The following NIBAN1 variants were observed in gnomAD, a reference collection of about 807,000 sequenced individuals.
NIBAN1 encodes niban apoptosis regulator 1.
Under a neutral mutation model 75.1 loss-of-function variants are expected in NIBAN1, and 81 were observed. The observed-to-expected ratio is 1.08, with a 90% CI of 0.90 to 1.30. The LOEUF (loss-of-function observed/expected upper bound fraction) is 1.30, where lower values mean the gene tolerates loss of function less well. NIBAN1 is among the 50% of genes most tolerant of loss of function. The pLI is 0.00. For synonymous variants in NIBAN1, 436 were observed against 424.8 expected, an observed-to-expected ratio of 1.03 and a Z score of -0.32; for missense variants, 1,133 against 1,128.1, an observed-to-expected ratio of 1.00 and a Z score of -0.06.
At chr1:184,943,502 G>A (rs1658148000) in intron 1 of NIBAN1, among the ~76,000 whole-genome samples, 1 of 152,034 alleles carries the variant, frequency 6.6e-6, no homozygotes, top group African/African-American at 2.4e-5. Flanking sequence ...GGGGTTCAGA[G>A]GATAATGTTA....
At chr1:184,831,653 A>C (rs1260647088) in intron 6 of NIBAN1, among the ~76,000 whole-genome samples, 194 bp downstream of exon 6, 3 of 152,210 alleles carry the variant, frequency 2.0e-5, no homozygotes, top group Admixed American at 6.5e-5. Flanking sequence ...TTTCATGCCC[A>C]GTCTGGTGGT....
chr1:184,880,443 T>C (rs138225069), intron 5 of NIBAN1, among the ~76,000 whole-genome samples: 2 of 152,204 alleles, frequency 1.3e-5, no homozygotes, highest in African/African-American at 4.8e-5. Context: ...AGAGTCCAAG[T>C]TCCTAATATG....
intron 5 of NIBAN1, among the ~76,000 whole-genome samples, chr1:184,870,275 T>A (rs1292578439): frequency 6.6e-6 from 1 of 150,412 alleles, no homozygotes; most frequent in East Asian, 1.9e-4. Context: ...CCTTTATACA[T>A]GGGAAAGGTT....
At chr1:184,944,414 G>A (rs189236151) in intron 1 of NIBAN1, among the ~76,000 whole-genome samples, 17 of 152,338 alleles carry the variant, frequency 1.1e-4, no homozygotes, top group Middle Eastern at 3.4e-3. Context: ...CACAGGTGGC[G>A]TTCTTGTAGC....
intron 1 of NIBAN1, among the ~76,000 whole-genome samples, chr1:184,916,072 G>A (rs563888761): frequency 3.9e-5 from 6 of 152,230 alleles, no homozygotes; most frequent in Admixed American, 2.6e-4. Context: ...GAATACAATG[G>A]GATTCTTCCA....
intron 12 of NIBAN1, among the ~76,000 whole-genome samples, chr1:184,800,895 A>C (rs1654021281): frequency 6.6e-6 from 1 of 152,166 alleles, no homozygotes; most frequent in Non-Finnish European, 1.5e-5. Flanking sequence ...CTCTTCAGAA[A>C]CATTCTCTTT....
At chr1:184,867,739 C>T (rs576769679) in intron 5 of NIBAN1, 5 of 407,806 alleles carry the variant, frequency 1.2e-5, no homozygotes, top group Non-Finnish European at 1.7e-5. Flanking sequence ...CATCCTCAAA[C>T]TCTCCTCTGT....
At chr1:184,905,384 C>A (rs189991048) in intron 1 of NIBAN1, among the ~76,000 whole-genome samples, 1 of 152,254 alleles carries the variant, frequency 6.6e-6, no homozygotes, top group Non-Finnish European at 1.5e-5. Context: ...GGACTGGCAG[C>A]TTTCATTTAA....
chr1:184,892,199 A>G (rs1557902809), intron 3 of NIBAN1, among the ~76,000 whole-genome samples: 1 of 152,222 alleles, frequency 6.6e-6, no homozygotes, highest in Admixed American at 6.5e-5. Flanking sequence ...ACCCAGCTCT[A>G]GCTTTACCAC....
intron 2 of NIBAN1, among the ~76,000 whole-genome samples, chr1:184,896,053 T>C (rs1456665803): frequency 6.6e-6 from 1 of 152,174 alleles, no homozygotes; most frequent in Non-Finnish European, 1.5e-5. Context: ...ATATAATGAT[T>C]TATTTTCCTT....
chr1:184,796,633 G>A (rs1186681152), intron 13 of NIBAN1, among the ~76,000 whole-genome samples: 1 of 152,102 alleles, frequency 6.6e-6, no homozygotes, highest in East Asian at 1.9e-4. Flanking sequence ...GCCTCCAGAG[G>A]GGCAAATCCA....
At chr1:184,831,139 A>G (rs997202194) in intron 6 of NIBAN1, among the ~76,000 whole-genome samples, 15 of 152,296 alleles carry the variant, frequency 9.8e-5, no homozygotes, top group African/African-American at 3.4e-4. Flanking sequence ...CAGTTTCCTT[A>G]GATTTATAAT....
rs1318366374 is a variant in NIBAN1 at position 184,796,116 on chromosome 1, C to T, written c.1667-19G>A. 35 of 1,488,904 alleles carry T rather than the reference C, an allele frequency of 2.4e-5. No homozygotes were observed. Among genetic ancestry groups the T allele is most frequent in the Non-Finnish European group, 3.1e-5 (35 of 1,125,190 alleles). 92.2% of individuals were successfully genotyped at this position (1,488,904 alleles called of 1,614,324 possible). On this transcript the variant is annotated intron_variant, in intron 13 of 13. Transcript: ENST00000367511. ...TTTATCACTGAGAGATATCAGAAAA[C>T]AAAACATGATTTTCTGATTTTATTG...
intron 1 of NIBAN1, among the ~76,000 whole-genome samples, chr1:184,942,751 GCCTA>G (rs1296333188): frequency 2.6e-5 from 4 of 150,968 alleles, no homozygotes; most frequent in Non-Finnish European, 5.9e-5. Context: ...CTGCTGATGT[GCCTA>G]CCTAACTGGC....
At chr1:184,958,364 T>TCACACACACACACACA (rs3035788) in intron 1 of NIBAN1, among the ~76,000 whole-genome samples, 4,808 of 142,582 alleles carry the variant, frequency 0.034, 92 homozygotes, top group Non-Finnish European at 0.047. Flanking sequence ...GACAGAGGAG[T>TCACACACACACACACA]CACACACACA....
intron 1 of NIBAN1, among the ~76,000 whole-genome samples, chr1:184,909,622 G>A (rs938299358): frequency 6.6e-6 from 1 of 152,148 alleles, no homozygotes; most frequent in Non-Finnish European, 1.5e-5. Context: ...TTATTCACAA[G>A]GTTGATAGAA....
intron 5 of NIBAN1, among the ~76,000 whole-genome samples, chr1:184,859,209 T>C (rs537198221): frequency 3.5e-4 from 54 of 152,162 alleles, no homozygotes; most frequent in South Asian, 4.2e-4. Context: ...AATAAATATA[T>C]ATATATGAGG....
chr1:184,842,315 T>C (rs1367924996), intron 5 of NIBAN1, among the ~76,000 whole-genome samples: 1 of 152,186 alleles, frequency 6.6e-6, no homozygotes, highest in African/African-American at 2.4e-5. Flanking sequence ...CTCCCAGAGT[T>C]TCTGATTCAA....
At chr1:184,844,425 T>G (rs1186826501) in intron 5 of NIBAN1, among the ~76,000 whole-genome samples, 1 of 152,214 alleles carries the variant, frequency 6.6e-6, no homozygotes, top group Non-Finnish European at 1.5e-5. Context: ...AATAATAGCA[T>G]CTACCTTGAA....
Sources: gnomAD v4.1 joint callset for allele counts (sites outside exome capture counted in the v4.1 genomes callset) on GRCh38, gnomAD v4.1.1 for gene constraint, MANE v1.5 for transcripts, NCBI Gene and HGNC (gene_info 2026-07-23, HGNC 2026-07-21) for gene names.